Variants in MDFIC2 observed in about 807,000 individuals in gnomAD.
The protein encoded by MDFIC2 is MyoD family inhibitor domain containing 2.
intron 2 of MDFIC2, among the ~76,000 whole-genome samples, chr3:70,253,679 C>A (rs1701789689): frequency 6.6e-6 from 1 of 152,124 alleles, no homozygotes; most frequent in South Asian, 2.1e-4. Context: ...GCTATGATAA[C>A]ACCACTGTAC....
chr3:70,286,019 T>C (rs1413277081), intron 2 of MDFIC2, among the ~76,000 whole-genome samples: 1 of 152,042 alleles, frequency 6.6e-6, no homozygotes, highest in Non-Finnish European at 1.5e-5. Flanking sequence ...GCCTGTTCAC[T>C]CTGATGGTAG....
intron 2 of MDFIC2, among the ~76,000 whole-genome samples, chr3:70,266,059 G>A (rs1701914278): frequency 6.6e-6 from 1 of 152,168 alleles, no homozygotes; most frequent in African/African-American, 2.4e-5. Flanking sequence ...AAAAGAGAAT[G>A]AGAAATCTCT....
chr3:70,227,611 G>C (rs1701520340), intron 2 of MDFIC2, among the ~76,000 whole-genome samples: 1 of 152,162 alleles, frequency 6.6e-6, no homozygotes, highest in Non-Finnish European at 1.5e-5. Flanking sequence ...AAAGGTATTA[G>C]GTTTTTGCCA....
chr3:70,276,682 AT>A (rs1702030047), intron 2 of MDFIC2, among the ~76,000 whole-genome samples: 1 of 152,176 alleles, frequency 6.6e-6, no homozygotes, highest in Non-Finnish European at 1.5e-5. Context: ...GGCCTACTGC[AT>A]TTTTTTGTAA....
intron 2 of MDFIC2, among the ~76,000 whole-genome samples, chr3:70,210,965 T>A (rs548448412): frequency 2.0e-5 from 3 of 152,256 alleles, no homozygotes; most frequent in South Asian, 2.1e-4. Context: ...GATGAATCAA[T>A]GTGACAGGAG....
At chr3:70,227,962 A>T (rs1701524188) in intron 2 of MDFIC2, among the ~76,000 whole-genome samples, 1 of 151,884 alleles carries the variant, frequency 6.6e-6, no homozygotes, top group Non-Finnish European at 1.5e-5. Flanking sequence ...ATAGTATAAC[A>T]TTCATAGTAA....
chr3:70,203,486 C>T (rs1481069525), intron 3 of MDFIC2, among the ~76,000 whole-genome samples: 3 of 152,114 alleles, frequency 2.0e-5, no homozygotes, highest in Admixed American at 6.6e-5. Context: ...TTCAGACAAG[C>T]ACAACTAACA....
In MDFIC2 at chr3:70,206,745, T is replaced by C. The variant is rs1256171798; in HGVS notation, c.134A>G (p.Asn45Ser). ...NAKHADEKPI[N>S]AIVINSVSDF... ...AGATACTGAATTTATAACAATAGCA[T>C]TAATGGGTTTCTCATCTGCATGCTT... Residue 45 changes from asparagine to serine, a missense_variant, in exon 3 of 4, where the codon AAT becomes AGT. Asn to Ser is a conservative substitution (Grantham distance 46). Coordinates refer to ENST00000567252, the MANE Select transcript of MDFIC2 (RefSeq NM_001364677.1). 4 of 397,742 alleles carry C rather than the reference T, an allele frequency of 1.0e-5. No homozygotes were observed. The highest frequency in any genetic ancestry group is 1.8e-5 in the Non-Finnish European group (4 of 225,544). 24.6% of individuals were successfully genotyped at this position (397,742 alleles called of 1,614,324 possible). A position where few individuals can be genotyped will look rare whatever the true frequency, so the allele number is the denominator to read the frequency against.
chr3:70,249,629 T>G (rs1040543079), intron 2 of MDFIC2: 4 of 152,102 alleles, frequency 2.6e-5, no homozygotes, highest in South Asian at 4.1e-4. Context: ...AAATGTAATG[T>G]TTTGGTCATG....
At chr3:70,286,210 A>T (rs917940289) in intron 2 of MDFIC2, among the ~76,000 whole-genome samples, 5 of 152,122 alleles carry the variant, frequency 3.3e-5, no homozygotes, top group Non-Finnish European at 7.4e-5. Flanking sequence ...TTTAAGTCTT[A>T]CATCCATCTT....
chr3:70,275,289 G>A (rs893614008), intron 2 of MDFIC2, among the ~76,000 whole-genome samples: 10 of 152,104 alleles, frequency 6.6e-5, no homozygotes, highest in African/African-American at 1.9e-4. Flanking sequence ...TTGGCAGGCC[G>A]AGGCAGGAGG....
At chr3:70,261,073 G>A (rs548373333) in intron 2 of MDFIC2, among the ~76,000 whole-genome samples, 7 of 152,168 alleles carry the variant, frequency 4.6e-5, no homozygotes, top group African/African-American at 7.2e-5. Context: ...GCACTTCAAC[G>A]TTTATTTAAA....
intron 2 of MDFIC2, among the ~76,000 whole-genome samples, chr3:70,243,414 G>A (rs1298515398): frequency 1.3e-5 from 2 of 152,162 alleles, no homozygotes; most frequent in African/African-American, 2.4e-5. Flanking sequence ...GTGAAATTCT[G>A]TGTGCAGCAG....
At chr3:70,215,959 A>T (rs1446085209) in intron 2 of MDFIC2, among the ~76,000 whole-genome samples, 1 of 152,074 alleles carries the variant, frequency 6.6e-6, no homozygotes, top group Non-Finnish European at 1.5e-5. Flanking sequence ...GTGGTAAAAC[A>T]CATCTTGGTA....
In MDFIC2 at chr3:70,195,172, G is replaced by A. The variant is rs1456799328; in HGVS notation, c.*1754C>T. 6.6e-6 allele frequency among the ~76,000 whole-genome samples: 1 copy of A among 152,092 alleles called. No homozygotes were observed. Among genetic ancestry groups the A allele is most frequent in the Non-Finnish European group, 1.5e-5 (1 of 68,018 alleles). ...TTCCCCTGTGAAATATAAAAAGGTT[G>A]CATAAGAACAGCCTTATGTTCCCTT... On this transcript the variant is annotated 3_prime_UTR_variant, in exon 4 of 4. Transcript: ENST00000567252.
chr3:70,213,360 A>G (rs897042292), intron 2 of MDFIC2, among the ~76,000 whole-genome samples: 1 of 152,154 alleles, frequency 6.6e-6, no homozygotes, highest in South Asian at 2.1e-4. Context: ...AAATTATTAG[A>G]TAAGACTTTA....
intron 2 of MDFIC2, among the ~76,000 whole-genome samples, chr3:70,292,568 G>A (rs1185344259): frequency 6.6e-6 from 1 of 152,098 alleles, no homozygotes; most frequent in East Asian, 1.9e-4. Flanking sequence ...AAACTTGTAA[G>A]TATTTTTTAT....
intron 3 of MDFIC2, among the ~76,000 whole-genome samples, chr3:70,199,856 A>G (rs1701220794): frequency 6.6e-6 from 1 of 152,186 alleles, no homozygotes; most frequent in Non-Finnish European, 1.5e-5. Flanking sequence ...AGTGTATACC[A>G]TATATGCTAT....
intron 2 of MDFIC2, among the ~76,000 whole-genome samples, chr3:70,224,354 C>T (rs1335702554): frequency 6.6e-6 from 1 of 152,160 alleles, no homozygotes; most frequent in Non-Finnish European, 1.5e-5. Context: ...GCGGATGGTG[C>T]AAACTTCCAT....
Sources: gnomAD v4.1 joint callset for allele counts (sites outside exome capture counted in the v4.1 genomes callset) on GRCh38, gnomAD v4.1.1 for gene constraint, MANE v1.5 for transcripts, NCBI Gene and HGNC (gene_info 2026-07-23, HGNC 2026-07-21) for gene names.